Variants in PKD1L1 observed in about 807,000 individuals in gnomAD.
PKD1L1 encodes polycystin 1 like 1, transient receptor potential channel interacting.
Under a neutral mutation model 323.4 loss-of-function variants are expected in PKD1L1, and 236 were observed. That is an observed-to-expected ratio of 0.73 (90% CI 0.66 to 0.81). The LOEUF is 0.81. Among genes scored for constraint, PKD1L1 ranks in the 40% least tolerant of loss-of-function variants. The probability of loss-of-function intolerance (pLI) is 0.00; values close to 1 mark genes in which losing one functional copy is unlikely to be tolerated. For synonymous variants in PKD1L1, 1,344 were observed against 1,335.0 expected (o/e 1.01, Z -0.15); for missense variants, 3,320 against 3,508.0 (o/e 0.95, Z 1.35).
intron 49 of PKD1L1, 141 bp from the exon 50 acceptor site, chr7:47,812,192 G>C: frequency 3.0e-6 from 2 of 667,698 alleles, no homozygotes; most frequent in Non-Finnish European, 5.2e-6. Flanking sequence ...GCTTCAAGGG[G>C]CAGGACAGAT....
Position 47,931,146 on chromosome 7 carries a change from A to T in PKD1L1, c.695T>A (p.Val232Glu). 6.2e-7 allele frequency: 1 copy of T among 1,614,174 alleles called. No individual in the cohort carries two copies. The highest frequency in any genetic ancestry group is 8.5e-7 in the Non-Finnish European group (1 of 1,180,028). Residue 232 changes from valine (V) to glutamate (E), a missense_variant, in exon 6 of 57, where the codon GTG becomes GAG. By Grantham distance (121) the Val-to-Glu change is moderately radical (BLOSUM62 -2). Transcript: ENST00000289672. ...ARPTQTSSQRVPLWPISHFPT... is the reference protein window; with the variant it reads ...ARPTQTSSQREPLWPISHFPT... ...AAAATGTGAAATCGGCCACAGGGGC[A>T]CTCGCTGGGAGCTGGTCTGAGTGGG...
At chr7:47,905,373 G>A (rs1337351793) in intron 10 of PKD1L1, 48 bp from the exon 11 acceptor site, 1 of 1,575,530 alleles carries the variant, frequency 6.3e-7, no homozygotes, top group South Asian at 1.2e-5. Context: ...TAGGAGGGCT[G>A]GAATCTCCAG....
intron 24 of PKD1L1, among the ~76,000 whole-genome samples, chr7:47,868,638 G>C (rs1018666215): frequency 2.6e-5 from 4 of 152,206 alleles, no homozygotes; most frequent in African/African-American, 9.6e-5. Context: ...CACTTTGGGA[G>C]GCCGAGGCAG....
intron 56 of PKD1L1, among the ~76,000 whole-genome samples, chr7:47,780,600 C>A (rs1051798684): frequency 1.8e-4 from 27 of 151,606 alleles, no homozygotes; most frequent in Non-Finnish European, 4.4e-5. Context: ...CCACTGCACT[C>A]CAGTCTCGGC....
At chr7:47,942,472 C>G (rs1370627799) in intron 2 of PKD1L1, among the ~76,000 whole-genome samples, 1 of 145,720 alleles carries the variant, frequency 6.9e-6, no homozygotes, top group Non-Finnish European at 1.5e-5. Context: ...TTAAATCCGT[C>G]TCTTTAGAAA....
intron 36 of PKD1L1, among the ~76,000 whole-genome samples, chr7:47,837,626 T>C (rs1032347097): frequency 2.6e-5 from 4 of 152,170 alleles, no homozygotes; most frequent in Non-Finnish European, 4.4e-5. Flanking sequence ...GAACTTTCCC[T>C]GGCAACATAG....
chr7:47,811,257 A>G (rs1482719339), intron 50 of PKD1L1, among the ~76,000 whole-genome samples: 3 of 151,650 alleles, frequency 2.0e-5, no homozygotes, highest in African/African-American at 7.3e-5. Context: ...AGGTTCAAGA[A>G]ATTCTCCCGC....
intron 14 of PKD1L1, among the ~76,000 whole-genome samples, chr7:47,896,188 G>C (rs1786930855): frequency 6.6e-6 from 1 of 152,086 alleles, no homozygotes; most frequent in African/African-American, 2.4e-5. Flanking sequence ...AATTAGCCAG[G>C]CATGGTGGTA....
intron 56 of PKD1L1, among the ~76,000 whole-genome samples, chr7:47,778,979 TA>T (rs532039346): frequency 1.2e-4 from 19 of 152,246 alleles, no homozygotes; most frequent in Non-Finnish European, 2.4e-4. Flanking sequence ...GTTATATTAG[TA>T]ACTAAACTAG....
At position 47,936,853 on chromosome 7, in the gene PKD1L1, C is replaced by T. The variant is rs377494930; in HGVS notation, c.391G>A (p.Ala131Thr). 2.9e-5 allele frequency: 47 copies of T among 1,608,678 alleles called. No homozygotes were observed. The highest frequency in any genetic ancestry group is 4.0e-5 in the Non-Finnish European group (47 of 1,177,858). ...TQAPLDCDNS[A>T]DRIPHKPFII... Reference sequence around the variant, plus strand: ...CATGGTACATTGACATACCTATCAGCACTGTTATCACAATCCAGAGGCGCC... The same window carrying T: ...CATGGTACATTGACATACCTATCAGTACTGTTATCACAATCCAGAGGCGCC... Residue 131 changes from alanine (A) to threonine (T), a missense_variant, in exon 4 of 57, where the codon GCT becomes ACT. Transcript: ENST00000289672.
rs761120485 is a variant in PKD1L1, at chr7:47,831,261, G to A, written c.6429C>T (p.Thr2143=). 2.2e-5 allele frequency: 36 copies of A among 1,613,964 alleles called. No homozygotes were observed. Among genetic ancestry groups the A allele is most frequent in the Admixed American group, 8.3e-5 (5 of 59,990 alleles). Residue 2143 remains threonine (T), a synonymous_variant, in exon 42 of 57, where the codon ACC becomes ACT. Coordinates refer to ENST00000289672, the MANE Select transcript of PKD1L1 (RefSeq NM_138295.5). The part of the protein sequence containing the change: ...WSSAVWAICG[T]ASLACSLGTG... ...TCCCCAAACTGCAGGCCAAAGAAGC[G>A]GTCCCACAAATGGCCCACACTGCAG...
At chr7:47,793,086 T>C (rs908801402) in intron 55 of PKD1L1, among the ~76,000 whole-genome samples, 8 of 151,626 alleles carry the variant, frequency 5.3e-5, no homozygotes, top group African/African-American at 1.9e-4. Flanking sequence ...CAGTAATGCA[T>C]CATGCTGCTA....
intron 21 of PKD1L1, among the ~76,000 whole-genome samples, chr7:47,879,623 A>T (rs1786487474): frequency 2.2e-5 from 2 of 92,266 alleles, no homozygotes; most frequent in Non-Finnish European, 2.0e-5. Context: ...ACAGAGCAAG[A>T]CTTTGTCTCA....
chr7:47,810,932 T>G (rs1438950840), intron 50 of PKD1L1, among the ~76,000 whole-genome samples: 2 of 152,158 alleles, frequency 1.3e-5, no homozygotes, highest in East Asian at 3.9e-4. Flanking sequence ...CAAGGTTAAC[T>G]GGGGCTCTGG....
chr7:47,835,155 G>C lies in PKD1L1; in HGVS notation c.6032C>G (p.Ser2011Cys). The stretch of plus-strand genomic sequence containing the variant: ...TACCTTGCTGAGCCTGAAGAGCAGG[G>C]ACAAGAGCTGGGCCCCTGGAGAAGC... ...LLASPGAQLL[S>C]LLFRLSKEAP... is the part of the protein sequence containing the mutation. The change falls in exon 38 of 57, where the codon TCC becomes TGC. Residue 2011 changes from serine (S) to cysteine (C), a missense_variant. Coordinates refer to ENST00000289672, the MANE Select transcript of PKD1L1 (RefSeq NM_138295.5). 1 of 1,598,790 alleles carries C rather than the reference G, an allele frequency of 6.3e-7. No individual in the cohort carries two copies. Among genetic ancestry groups the C allele is most frequent in the Admixed American group, 1.8e-5 (1 of 56,274 alleles).
chr7:47,888,322 C>T (rs759322541), intron 16 of PKD1L1, among the ~76,000 whole-genome samples, 172 bp from the exon 17 acceptor site: 2 of 152,236 alleles, frequency 1.3e-5, no homozygotes, highest in Non-Finnish European at 2.9e-5. Flanking sequence ...CAACACTGTG[C>T]CAAGCTCGAC....
intron 55 of PKD1L1, 56 bp downstream of exon 55, chr7:47,795,933 A>T (rs1784515567): frequency 6.4e-7 from 1 of 1,553,504 alleles, no homozygotes; most frequent in Non-Finnish European, 8.7e-7. Context: ...CTGCAATGAA[A>T]CCATCATCTT....
chr7:47,806,738 C>A (rs1460958084), intron 52 of PKD1L1, among the ~76,000 whole-genome samples: 1 of 152,232 alleles, frequency 6.6e-6, no homozygotes, highest in Non-Finnish European at 1.5e-5. Context: ...CCCAGCTCTT[C>A]CCCTTTTATT....
intron 44 of PKD1L1, 137 bp from the exon 45 acceptor site, chr7:47,827,605 T>C (rs1014807222): frequency 1.2e-5 from 8 of 675,322 alleles, no homozygotes; most frequent in East Asian, 2.7e-5. Flanking sequence ...AAGAGGTACT[T>C]TGTATGGATA....
Sources: allele counts gnomAD v4.1 joint callset (sites outside exome capture counted in the v4.1 genomes callset), GRCh38; gene constraint gnomAD v4.1.1; transcripts MANE v1.5; gene names NCBI Gene and HGNC (gene_info 2026-07-23, HGNC 2026-07-21).